CDH12: variants seen among roughly 807,000 people sequenced by gnomAD.
The protein encoded by CDH12 is cadherin-12.
Under a neutral mutation model 74.1 loss-of-function variants are expected in CDH12, and 41 were observed. The ratio of observed to expected loss-of-function variants is 0.55; its 90% CI spans 0.43 to 0.72. CDH12 has a LOEUF of 0.72. CDH12 is among the 30% of genes least tolerant of loss of function. The probability of loss-of-function intolerance (pLI) is 0.00; values close to 1 mark genes in which losing one functional copy is unlikely to be tolerated. For missense variants in CDH12, 945 were observed against 977.2 expected, an observed-to-expected ratio of 0.97 and a Z score of 0.44; for synonymous variants, 399 against 355.0, an observed-to-expected ratio of 1.12 and a Z score of -1.39.
At chr5:22,459,634 G>T (rs749229929) in intron 2 of CDH12, among the ~76,000 whole-genome samples, 20 of 152,088 alleles carry the variant, frequency 1.3e-4, no homozygotes, top group Non-Finnish European at 1.9e-4. Context: ...ATAAGCCATA[G>T]AGCACAATAA....
chr5:22,144,857 A>T (rs915148782), intron 4 of CDH12, among the ~76,000 whole-genome samples: 6 of 152,148 alleles, frequency 3.9e-5, no homozygotes, highest in Non-Finnish European at 7.4e-5. Context: ...TACATAAAAT[A>T]CGCATGTTGT....
chr5:22,084,714 C>A (rs551988068), intron 4 of CDH12, among the ~76,000 whole-genome samples: 1 of 152,200 alleles, frequency 6.6e-6, no homozygotes, highest in African/African-American at 2.4e-5. Context: ...CCCAGCAGAT[C>A]CCAGACTCTG....
chr5:22,847,813 A>G (rs1737374385), intron 1 of CDH12, among the ~76,000 whole-genome samples: 1 of 152,094 alleles, frequency 6.6e-6, no homozygotes, highest in African/African-American at 2.4e-5. Context: ...TGTTCACTAA[A>G]ACTTTAATCC....
intron 4 of CDH12, among the ~76,000 whole-genome samples, chr5:22,126,587 AG>A (rs1745884084): frequency 6.6e-6 from 1 of 152,222 alleles, no homozygotes; most frequent in African/African-American, 2.4e-5. Context: ...TATCAGGAAA[AG>A]TTTGTTTTAC....
intron 7 of CDH12, 125 bp from the exon 8 acceptor site, chr5:21,842,453 T>C: frequency 1.6e-6 from 1 of 622,992 alleles, no homozygotes; most frequent in Non-Finnish European, 2.6e-6. Flanking sequence ...TAGCTAAAAT[T>C]GTATCTTTTA....
intron 1 of CDH12, among the ~76,000 whole-genome samples, chr5:22,780,762 G>A (rs541115419): frequency 1.2e-4 from 18 of 152,236 alleles, no homozygotes; most frequent in African/African-American, 4.3e-4. Flanking sequence ...GTGACAGAAT[G>A]AGACCCTGTT....
intron 6 of CDH12, among the ~76,000 whole-genome samples, chr5:21,865,338 A>T (rs2150012287): frequency 6.6e-6 from 1 of 152,292 alleles, no homozygotes; most frequent in South Asian, 2.1e-4. Flanking sequence ...TTATGAGATC[A>T]AACTAAGGGG....
chr5:22,374,461 C>T (rs780584443), intron 3 of CDH12, among the ~76,000 whole-genome samples: 2 of 151,972 alleles, frequency 1.3e-5, no homozygotes, highest in African/African-American at 2.4e-5. Flanking sequence ...CTAGCCACAG[C>T]AATCAGGCAA....
chr5:22,557,735 AAG>A (rs939600713), intron 1 of CDH12, among the ~76,000 whole-genome samples: 1 of 152,062 alleles, frequency 6.6e-6, no homozygotes, highest in African/African-American at 2.4e-5. Flanking sequence ...AAGAATTACA[AAG>A]AAAAAAATCA....
At chr5:22,536,424 T>C (rs777335920) in intron 1 of CDH12, among the ~76,000 whole-genome samples, 7 of 152,140 alleles carry the variant, frequency 4.6e-5, no homozygotes, top group South Asian at 2.1e-4. Context: ...GTGGTTGTTG[T>C]GGTCGTGGTG....
At chr5:21,791,669 C>G (rs1746505925) in intron 10 of CDH12, among the ~76,000 whole-genome samples, 2 of 131,914 alleles carry the variant, frequency 1.5e-5, no homozygotes, top group Non-Finnish European at 3.3e-5. Flanking sequence ...CAATTATGTA[C>G]AGTGATTGTT....
In CDH12 at chr5:21,979,710, C is replaced by A. The variant is rs575637407; in HGVS notation, c.232-4325G>T. On this transcript the variant is annotated intron_variant, in intron 5 of 14. Coordinates refer to ENST00000382254, the MANE Select transcript of CDH12 (RefSeq NM_004061.5). ...GCCTGGGGTATGTTGGGAGAAGGAA[C>A]AATTGATTTTTGAAAAGGTGGATTT... is the stretch of plus-strand genomic sequence containing the variant. Among the ~76,000 whole-genome samples the A allele has an allele frequency of 1.8e-3, 268 of 151,700 alleles. 3 individuals are homozygous for A. Among genetic ancestry groups the A allele is most frequent in the African/African-American group, 5.9e-3 (245 of 41,340 alleles).
chr5:22,396,969 T>C (rs1742487037), intron 3 of CDH12, among the ~76,000 whole-genome samples: 1 of 152,136 alleles, frequency 6.6e-6, no homozygotes, highest in Admixed American at 6.6e-5. Context: ...AAAATACTCA[T>C]TGCTTTTCTC....
chr5:21,944,783 G>A (rs1192981232), intron 6 of CDH12, among the ~76,000 whole-genome samples: 4 of 152,048 alleles, frequency 2.6e-5, no homozygotes, highest in Non-Finnish European at 5.9e-5. Flanking sequence ...TTCACTTGGA[G>A]GAAACAAAGA....
chr5:22,017,703 C>T (rs56697380), intron 5 of CDH12, among the ~76,000 whole-genome samples: 33,767 of 151,214 alleles, frequency 0.22, 3,889 homozygotes, highest in South Asian at 0.27. Flanking sequence ...GACAGTAAGT[C>T]GATGCAGAGA....
intron 4 of CDH12, among the ~76,000 whole-genome samples, chr5:22,165,535 C>A (rs1186806072): frequency 6.6e-6 from 1 of 151,142 alleles, no homozygotes; most frequent in Non-Finnish European, 1.5e-5. Flanking sequence ...CACACACAGA[C>A]ATTCCAAGCA....
intron 3 of CDH12, among the ~76,000 whole-genome samples, chr5:22,273,605 G>A (rs6452075): frequency 0.99 from 150,191 of 152,314 alleles, 74,087 homozygotes; most frequent in East Asian, 1. Context: ...AACTCTCAGC[G>A]TCTTTTCCGT....
At chr5:22,624,357 C>T (rs958598866) in intron 1 of CDH12, among the ~76,000 whole-genome samples, 6 of 152,234 alleles carry the variant, frequency 3.9e-5, no homozygotes, top group African/African-American at 7.2e-5. Flanking sequence ...AAACTACCAT[C>T]GGAGTGAACA....
chr5:22,086,220 A>G (rs1199676239), intron 4 of CDH12, among the ~76,000 whole-genome samples: 1 of 152,202 alleles, frequency 6.6e-6, no homozygotes, highest in African/African-American at 2.4e-5. Context: ...CAATGATCTT[A>G]ACTTATGGGG....
Sources: allele counts gnomAD v4.1 joint callset (sites outside exome capture counted in the v4.1 genomes callset), GRCh38; gene constraint gnomAD v4.1.1; transcripts MANE v1.5; gene names NCBI Gene and HGNC (gene_info 2026-07-23, HGNC 2026-07-21).